The following LACTB2 variants were observed in gnomAD, a reference collection of about 807,000 sequenced individuals.
LACTB2 encodes endoribonuclease LACTB2.
In LACTB2, 32 loss-of-function variants were observed where a neutral mutation model predicts 34.8. The ratio of observed to expected loss-of-function variants is 0.92; its 90% CI spans 0.69 to 1.24. LACTB2 has a LOEUF of 1.24. Among genes scored for constraint, LACTB2 ranks in the 50% most tolerant of loss-of-function variants. LACTB2 has a pLI of 0.00. For missense variants in LACTB2, 320 were observed against 345.0 expected (o/e 0.93, Z 0.57); for synonymous variants, 120 against 117.5 (o/e 1.02, Z -0.14).
intron 3 of LACTB2, among the ~76,000 whole-genome samples, chr8:70,652,144 C>G (rs907719419): frequency 1.3e-5 from 2 of 151,974 alleles, no homozygotes; most frequent in African/African-American, 4.8e-5. Context: ...TTATTTTTTT[C>G]AAAGTTGGCA....
intron 1 of LACTB2, 72 bp from the exon 2 acceptor site, chr8:70,661,969 T>C: frequency 7.7e-7 from 1 of 1,296,188 alleles, no homozygotes; most frequent in Non-Finnish European, 1.0e-6. Context: ...TGCACACAGA[T>C]AATTTACATT....
Position 70,669,144 on chromosome 8 carries a change from G to C in LACTB2, c.-24C>G, listed in dbSNP as rs757517303. ...ATTCCCGCCTCAGCCGCCCGCCGGC[G>C]TGTCGCCTATCTGGATACTCCAGCG... On this transcript the variant is annotated 5_prime_UTR_variant, in exon 1 of 7. Transcript: ENST00000276590. The C allele has an allele frequency of 9.4e-5, 151 of 1,611,068 alleles. No homozygotes were observed. Among genetic ancestry groups the C allele is most frequent in the Non-Finnish European group, 1.2e-4 (145 of 1,178,864 alleles).
intron 1 of LACTB2, among the ~76,000 whole-genome samples, chr8:70,664,474 C>T (rs1818515821): frequency 6.6e-6 from 1 of 152,004 alleles, no homozygotes; most frequent in Non-Finnish European, 1.5e-5. Flanking sequence ...AGTGACCATA[C>T]GACTGTGGTA....
intron 4 of LACTB2, 112 bp downstream of exon 4, chr8:70,643,953 G>T: frequency 8.9e-7 from 1 of 1,119,730 alleles, no homozygotes; most frequent in Non-Finnish European, 1.2e-6. Context: ...TTGGGAGGTT[G>T]AGGTGGGAGG....
At chr8:70,665,190 A>G (rs1009989020) in intron 1 of LACTB2, among the ~76,000 whole-genome samples, 9 of 152,240 alleles carry the variant, frequency 5.9e-5, no homozygotes, top group Admixed American at 2.0e-4. Flanking sequence ...GGCCACAGAT[A>G]ATAATATCCC....
chr8:70,645,150 T>C (rs545573530), intron 3 of LACTB2, among the ~76,000 whole-genome samples: 21 of 152,236 alleles, frequency 1.4e-4, no homozygotes, highest in African/African-American at 5.1e-4. Flanking sequence ...TTCCAAGCTG[T>C]TCTCACCCAG....
Position 70,644,087 on chromosome 8 carries a change from G to T in LACTB2, c.570C>A (p.Ile190=). The T allele has an allele frequency of 1.9e-6, 3 of 1,576,820 alleles. No individual in the cohort carries two copies. The South Asian group carries it at 3.7e-5, about 19-fold the overall frequency. Residue 190 remains isoleucine (I), a synonymous_variant, in exon 4 of 7, where the codon ATC becomes ATA. Coordinates refer to ENST00000276590, the MANE Select transcript of LACTB2 (RefSeq NM_016027.3). ...YMNSLKELLK[I]KADIIYPGHG... ...CACCTGGATATATAATATCAGCTTT[G>T]ATTTTCAATAACTCTTTTAAAGAGT... is the stretch of plus-strand genomic sequence containing the variant.
intron 3 of LACTB2, among the ~76,000 whole-genome samples, chr8:70,650,735 C>CAAAAAAAAAAAAAAA (rs61025700): frequency 7.9e-3 from 362 of 46,082 alleles, no homozygotes; most frequent in East Asian, 0.014. Context: ...GACTCCATCT[C>CAAAAAAAAAAAAAAA]AAAAAAAAAA....
intron 3 of LACTB2, among the ~76,000 whole-genome samples, chr8:70,647,512 C>A (rs913508038): frequency 6.6e-6 from 1 of 152,196 alleles, no homozygotes; most frequent in Non-Finnish European, 1.5e-5. Flanking sequence ...CCTGGCCTCA[C>A]AAAGTGCTGG....
intron 5 of LACTB2, among the ~76,000 whole-genome samples, chr8:70,639,120 C>A (rs1043898540): frequency 6.6e-6 from 1 of 151,946 alleles, no homozygotes; most frequent in South Asian, 2.1e-4. Flanking sequence ...TATATATACT[C>A]CTATAGATAG....
chr8:70,643,965 C>T (rs1405230012), intron 4 of LACTB2, 100 bp downstream of exon 4: 3 of 1,230,738 alleles, frequency 2.4e-6, no homozygotes, highest in Non-Finnish European at 3.2e-6. Flanking sequence ...GGTGGGAGGA[C>T]TGCTTGAGGT....
intron 3 of LACTB2, among the ~76,000 whole-genome samples, chr8:70,647,400 CCG>C (rs1268527842): frequency 1.3e-5 from 2 of 151,692 alleles, no homozygotes; most frequent in Non-Finnish European, 2.9e-5. Flanking sequence ...CTACAGGTGC[CCG>C]CCACCACACC....
chr8:70,638,713 G>A, intron 5 of LACTB2, 84 bp from the exon 6 acceptor site: 1 of 1,042,278 alleles, frequency 9.6e-7, no homozygotes, highest in Non-Finnish European at 1.3e-6. Context: ...TTGAAGAAAA[G>A]CAAAATGTAG....
intron 4 of LACTB2, among the ~76,000 whole-genome samples, chr8:70,643,792 T>C (rs1818229564): frequency 6.6e-6 from 1 of 152,096 alleles, no homozygotes; most frequent in Non-Finnish European, 1.5e-5. Flanking sequence ...GGATTACAGG[T>C]GTGAGCCACT....
intron 3 of LACTB2, chr8:70,653,899 C>T (rs1818376613): frequency 6.6e-6 from 1 of 152,078 alleles, no homozygotes; most frequent in African/African-American, 2.4e-5. Context: ...GAGCATACAT[C>T]ATTACTTGCA....
intron 3 of LACTB2, among the ~76,000 whole-genome samples, chr8:70,652,197 G>A (rs1303065666): frequency 6.6e-6 from 1 of 152,016 alleles, no homozygotes; most frequent in African/African-American, 2.4e-5. Context: ...GAGGACTGAG[G>A]CAGATTTTAA....
At chr8:70,647,256 A>C (rs1005860126) in intron 3 of LACTB2, among the ~76,000 whole-genome samples, 1 of 145,246 alleles carries the variant, frequency 6.9e-6, no homozygotes, top group Non-Finnish European at 1.5e-5. Flanking sequence ...TATATATATA[A>C]TTTTTTTTTT....
At chr8:70,668,883 C>T (rs1818580394) in intron 1 of LACTB2, 116 bp downstream of exon 1, 1 of 1,396,480 alleles carries the variant, frequency 7.2e-7, no homozygotes, top group Admixed American at 2.4e-5. Context: ...AGGCGCGGGG[C>T]TGCCCAGCTA....
At chr8:70,664,713 A>G (rs1225171833) in intron 1 of LACTB2, among the ~76,000 whole-genome samples, 1 of 152,232 alleles carries the variant, frequency 6.6e-6, no homozygotes, top group Non-Finnish European at 1.5e-5. Flanking sequence ...CACTGATAAC[A>G]TATGACATTG....
Sources: gnomAD v4.1 joint callset for allele counts (sites outside exome capture counted in the v4.1 genomes callset) on GRCh38, gnomAD v4.1.1 for gene constraint, MANE v1.5 for transcripts, NCBI Gene and HGNC (gene_info 2026-07-23, HGNC 2026-07-21) for gene names.